Variants in PPFIA2 observed in about 807,000 individuals in gnomAD.
The protein encoded by PPFIA2 is liprin-alpha-2.
A neutral mutation model predicts 175.5 loss-of-function variants in PPFIA2; 46 were observed. The observed-to-expected ratio is 0.26, with a 90% confidence interval of 0.21 to 0.34. PPFIA2 has a LOEUF of 0.34. PPFIA2 is among the 10% of genes least tolerant of loss of function. PPFIA2 has a pLI of 1.00. For synonymous variants in PPFIA2, 568 were observed against 511.4 expected, an observed-to-expected ratio of 1.11 and a Z score of -1.49; for missense variants, 1,179 against 1,506.1, an observed-to-expected ratio of 0.78 and a Z score of 3.60.
chr12:81,528,757 C>A (rs1287827444), intron 4 of PPFIA2, among the ~76,000 whole-genome samples: 5 of 151,972 alleles, frequency 3.3e-5, no homozygotes, highest in Non-Finnish European at 5.9e-5. Context: ...AGAAAATGTG[C>A]TAAAGCCAAG....
intron 22 of PPFIA2, 97 bp downstream of exon 22, chr12:81,325,680 G>C: frequency 1.1e-6 from 1 of 878,672 alleles, no homozygotes; most frequent in Non-Finnish European, 1.8e-6. Flanking sequence ...CTTCAATATA[G>C]TTCTTTTGTT....
chr12:81,280,380 T>C (rs559730553), intron 27 of PPFIA2, among the ~76,000 whole-genome samples: 2 of 152,266 alleles, frequency 1.3e-5, no homozygotes, highest in South Asian at 4.1e-4. Context: ...AATATCACCA[T>C]AAGTTGGAAG....
intron 4 of PPFIA2, among the ~76,000 whole-genome samples, chr12:81,612,202 C>T (rs761219820): frequency 6.6e-5 from 10 of 152,068 alleles, no homozygotes; most frequent in Admixed American, 6.5e-4. Flanking sequence ...TACTTCTGGG[C>T]CTTCTACTTC....
chr12:81,329,541 C>T (rs894954817), intron 21 of PPFIA2, among the ~76,000 whole-genome samples: 6 of 152,068 alleles, frequency 3.9e-5, no homozygotes, highest in Admixed American at 3.3e-4. Context: ...AGTGGGACAA[C>T]GATCTACTGA....
chr12:81,640,869 T>G (rs966123445), intron 4 of PPFIA2, among the ~76,000 whole-genome samples: 6 of 150,848 alleles, frequency 4.0e-5, no homozygotes, highest in Non-Finnish European at 5.9e-5. Context: ...TCATTTACAG[T>G]TTTTTTTTGC....
At chr12:81,671,896 C>T (rs929881891) in intron 4 of PPFIA2, among the ~76,000 whole-genome samples, 2 of 151,904 alleles carry the variant, frequency 1.3e-5, no homozygotes, top group African/African-American at 4.8e-5. Context: ...CTTGTTTCTC[C>T]AGCCCCTTTC....
At chr12:81,357,972 A>G (rs2061094379) in intron 16 of PPFIA2, 110 bp downstream of exon 16, 2 of 1,162,946 alleles carry the variant, frequency 1.7e-6, no homozygotes, top group South Asian at 1.9e-5. Flanking sequence ...CTGTGTTTCA[A>G]ATTAATAAAA....
rs561329922 is a variant in PPFIA2 at position 81,618,333 on chromosome 12, A to G, written c.303+58458T>C. Among the ~76,000 whole-genome samples the G allele has an allele frequency of 8.6e-5, 13 of 151,708 alleles. No homozygotes were observed. The East Asian group carries it at 2.5e-3, about 29-fold the overall frequency. ...CTGTTTTATTAACTGTTTCATTCCT[A>G]GTATGTAGGAACAGTTTGGCATAGA... On this transcript the variant is annotated intron_variant, in intron 4 of 32. Coordinates refer to ENST00000549396, the MANE Select transcript of PPFIA2 (RefSeq NM_003625.5).
chr12:81,267,130 T>C, intron 29 of PPFIA2, 110 bp from the exon 30 acceptor site: 1 of 843,908 alleles, frequency 1.2e-6, no homozygotes, highest in South Asian at 1.6e-5. Context: ...TATTTATGGG[T>C]TTTGAAGTTT....
chr12:81,294,398 AAAGGAAGGAAGGAAGAAGGG>A (rs2045881728), intron 24 of PPFIA2, among the ~76,000 whole-genome samples: 1 of 148,774 alleles, frequency 6.7e-6, no homozygotes, highest in African/African-American at 2.5e-5. Context: ...AGGGAAAGAG[AAAGGAAGGAAGGAAGAAGGG>A]AAGGAAGGAA....
rs558978151 is a variant in PPFIA2 at position 81,752,890 on chromosome 12, C to G, written c.249+1083G>C. ...GGGGGTGAGTATCAAAAATCCCATTCATTTTTATGTTTCTTCTCATACCTA... is the reference window on the plus strand; with the variant it reads ...GGGGGTGAGTATCAAAAATCCCATTGATTTTTATGTTTCTTCTCATACCTA... On this transcript the variant is annotated intron_variant, in intron 3 of 32. Coordinates refer to ENST00000549396, the MANE Select transcript of PPFIA2 (RefSeq NM_003625.5). Among the ~76,000 whole-genome samples, 7 of 151,498 alleles carry G rather than the reference C, an allele frequency of 4.6e-5. No individual in the cohort carries two copies. In the East Asian group the frequency reaches 1.4e-3, roughly 29 times the overall value.
chr12:81,617,799 G>T (rs1431422368), intron 4 of PPFIA2, among the ~76,000 whole-genome samples: 2 of 152,152 alleles, frequency 1.3e-5, no homozygotes. Context: ...CACTATTCTA[G>T]GCATTTAGGA....
At chr12:81,607,349 T>C (rs1443728512) in intron 4 of PPFIA2, among the ~76,000 whole-genome samples, 1 of 152,062 alleles carries the variant, frequency 6.6e-6, no homozygotes, top group Admixed American at 6.6e-5. Flanking sequence ...AATGACATTG[T>C]TAGTTTGATA....
At chr12:81,287,150 C>A (rs2043651633) in intron 24 of PPFIA2, among the ~76,000 whole-genome samples, 1 of 151,762 alleles carries the variant, frequency 6.6e-6, no homozygotes, top group Non-Finnish European at 1.5e-5. Context: ...CAATGATTAC[C>A]TGAGAAGAAA....
intron 28 of PPFIA2, among the ~76,000 whole-genome samples, chr12:81,274,741 AC>A (rs1382516387): frequency 6.6e-6 from 1 of 152,230 alleles, no homozygotes; most frequent in East Asian, 1.9e-4. Context: ...GTTAATTCAC[AC>A]TTCAGATAAT....
At chr12:81,366,314 C>A (rs1354296351) in intron 14 of PPFIA2, among the ~76,000 whole-genome samples, 3 of 151,536 alleles carry the variant, frequency 2.0e-5, no homozygotes, top group East Asian at 3.9e-4. Context: ...TCCTCTTCTA[C>A]CACATACCCT....
chr12:81,605,678 T>C (rs2060227487), intron 4 of PPFIA2, among the ~76,000 whole-genome samples: 1 of 150,788 alleles, frequency 6.6e-6, no homozygotes, highest in South Asian at 2.1e-4. Context: ...TATCTATCTA[T>C]CTATCTATCT....
intron 4 of PPFIA2, among the ~76,000 whole-genome samples, chr12:81,646,328 C>G (rs2066066155): frequency 6.6e-6 from 1 of 152,106 alleles, no homozygotes. Context: ...TGATTGCACC[C>G]TAGACCCTCT....
chr12:81,325,121 G>C (rs2054474345), intron 22 of PPFIA2, among the ~76,000 whole-genome samples: 1 of 151,994 alleles, frequency 6.6e-6, no homozygotes, highest in Non-Finnish European at 1.5e-5. Flanking sequence ...CTGGAATAAA[G>C]AGAAATTGAT....
Sources: allele counts gnomAD v4.1 joint callset (sites outside exome capture counted in the v4.1 genomes callset), GRCh38; gene constraint gnomAD v4.1.1; transcripts MANE v1.5; gene names NCBI Gene and HGNC (gene_info 2026-07-23, HGNC 2026-07-21).